The following CHD9 variants were observed in gnomAD, a reference collection of about 807,000 sequenced individuals.
The protein encoded by CHD9 is chromodomain helicase DNA binding protein 9, also known as ATP-dependent chromatin remodeler CHD9.
Under a neutral mutation model 316.1 loss-of-function variants are expected in CHD9, and 77 were observed. The observed-to-expected ratio is 0.24, with a 90% CI of 0.20 to 0.29. The LOEUF is 0.29. Ranked by LOEUF, CHD9 falls within the 10% of genes least tolerant of loss-of-function variation. The probability of loss-of-function intolerance (pLI) is 1.00; values close to 1 mark genes in which losing one functional copy is unlikely to be tolerated. For synonymous variants in CHD9, 1,129 were observed against 1,158.3 expected (o/e 0.97, Z 0.51); for missense variants, 2,763 against 3,438.1 (o/e 0.80, Z 4.91).
In CHD9 at chr16:53,304,092, C is replaced by G. The variant is rs773426910; in HGVS notation, c.6086C>G (p.Thr2029Ser). 1.9e-6 allele frequency: 3 copies of G among 1,613,952 alleles called. No homozygotes were observed. Among genetic ancestry groups the G allele is most frequent in the Non-Finnish European group, 2.5e-6 (3 of 1,179,882 alleles). The change falls in exon 31 of 39, where the codon ACC becomes AGC. Residue 2029 changes from threonine to serine, a missense_variant. Physicochemically the swap from Thr to Ser is moderately conservative, Grantham distance 58 (BLOSUM62 1). Around this residue, in one of 15 missense-constraint regions of CHD9, gnomAD observed 663 missense variants for 751.2 expected, o/e 0.88. Transcript: ENST00000447540. ...YQVALSASPL[T>S]SLPRLLDAKG... ...GTAGCACTTTCTGCTTCTCCTCTTA[C>G]CTCTCTACCTAGGCTCCTAGATGCT...
At chr16:53,264,036 GA>G (rs938792395) in intron 20 of CHD9, among the ~76,000 whole-genome samples, 22 of 146,352 alleles carry the variant, frequency 1.5e-4, no homozygotes, top group South Asian at 4.3e-4. Context: ...CTTCACAGTA[GA>G]AAAAAAAAAG....
chr16:53,108,755 A>G (rs1741146303), intron 1 of CHD9, among the ~76,000 whole-genome samples: 1 of 151,166 alleles, frequency 6.6e-6, no homozygotes, highest in Non-Finnish European at 1.5e-5. Flanking sequence ...GGTGCCTGTA[A>G]TCCCAGCTAC....
At position 53,152,633 on chromosome 16, in the gene CHD9, G is replaced by A. The variant is rs148053158; in HGVS notation, c.-164-3293G>A. ...ATTGGAGGGTTGTGAGCAGAGGAGT[G>A]TCCTGAATTAACTTGCATTTTAATG... On this transcript the variant is annotated intron_variant, in intron 1 of 38. Transcript: ENST00000447540. Among the ~76,000 whole-genome samples the A allele has an allele frequency of 2.5e-4, 38 of 152,302 alleles. 2 individuals are homozygous for A. The highest frequency in any genetic ancestry group is 9.1e-4 in the African/African-American group (38 of 41,562).
intron 1 of CHD9, among the ~76,000 whole-genome samples, chr16:53,071,953 T>C (rs1387644683): frequency 6.6e-6 from 1 of 152,200 alleles, no homozygotes; most frequent in Non-Finnish European, 1.5e-5. Flanking sequence ...GAAACTGTGT[T>C]CTTTTTCAGG....
At chr16:53,235,999 T>C (rs1169368719) in intron 11 of CHD9, among the ~76,000 whole-genome samples, 3 of 152,172 alleles carry the variant, frequency 2.0e-5, no homozygotes, top group Non-Finnish European at 4.4e-5. Context: ...TTTTTACTTT[T>C]CACGTGAGTC....
chr16:53,301,794 C>T, intron 30 of CHD9, among the ~76,000 whole-genome samples: 1 of 134,544 alleles, frequency 7.4e-6, no homozygotes, highest in East Asian at 2.1e-4. Context: ...GAGATGGAGT[C>T]TCGCTCTGTC....
chr16:53,245,932 T>C lies in CHD9; in HGVS notation c.3454+82T>C, dbSNP rs2049544082. On this transcript the variant is annotated intron_variant, in intron 15 of 38. Coordinates refer to ENST00000447540, the MANE Select transcript of CHD9 (RefSeq NM_001308319.2). This position sits in a 1 kb window ranked among gnomAD's most constrained non-coding sequence, Gnocchi z 4.1. ...AAATAAACAGAACACACTACAGCTG[T>C]AGTGGCTGTTATGACTCTCCACTGT... The C allele has an allele frequency of 2.1e-6, 2 of 947,268 alleles. No individual in the cohort carries two copies. 58.7% of individuals were successfully genotyped at this position (947,268 alleles called of 1,614,324 possible). A position where few individuals can be genotyped will look rare whatever the true frequency, so the allele number is the denominator to read the frequency against.
intron 1 of CHD9, among the ~76,000 whole-genome samples, chr16:53,141,136 A>G (rs1281881309): frequency 1.3e-5 from 2 of 152,226 alleles, no homozygotes; most frequent in Admixed American, 6.5e-5. Context: ...CCCAATTTGA[A>G]AACAGAGTGT....
intron 1 of CHD9, among the ~76,000 whole-genome samples, chr16:53,059,176 G>A (rs2032549572): frequency 6.6e-6 from 1 of 152,192 alleles, no homozygotes; most frequent in Non-Finnish European, 1.5e-5. Context: ...TCAGGACGTG[G>A]GCTGGAGGTT....
intron 2 of CHD9, among the ~76,000 whole-genome samples, chr16:53,193,682 A>G (rs1370591896): frequency 6.6e-6 from 1 of 152,162 alleles, no homozygotes; most frequent in East Asian, 1.9e-4. Flanking sequence ...TGTATAAGGA[A>G]CATTAATCTT....
chr16:53,291,686 C>A, intron 27 of CHD9, 39 bp from the exon 28 acceptor site: 1 of 1,402,122 alleles, frequency 7.1e-7, no homozygotes, highest in Non-Finnish European at 9.7e-7. Context: ...ATCTCTTGAC[C>A]CAATTACCCT....
intron 1 of CHD9, among the ~76,000 whole-genome samples, chr16:53,068,143 A>G (rs1047820107): frequency 1.3e-5 from 2 of 152,266 alleles, no homozygotes; most frequent in Admixed American, 1.3e-4. Flanking sequence ...GACCTTGGAT[A>G]TGTTGCTTAA....
At chr16:53,265,273 G>T (rs1246246386) in intron 20 of CHD9, among the ~76,000 whole-genome samples, 1 of 151,976 alleles carries the variant, frequency 6.6e-6, no homozygotes. Flanking sequence ...GTGATTGTGC[G>T]TGCCTGTAAT....
At chr16:53,256,886 G>A (rs985395145) in intron 19 of CHD9, among the ~76,000 whole-genome samples, 1 of 152,028 alleles carries the variant, frequency 6.6e-6, no homozygotes, top group Admixed American at 6.6e-5. Context: ...AGGAAGTACA[G>A]GTGCTGTACC....
At chr16:53,221,931 T>C (rs898796685) in intron 3 of CHD9, among the ~76,000 whole-genome samples, 2 of 152,012 alleles carry the variant, frequency 1.3e-5, no homozygotes, top group Non-Finnish European at 2.9e-5. Context: ...ATTGGAAATC[T>C]GCAAGATAAT....
In CHD9 at chr16:53,208,489, G is replaced by A. The variant is rs1015061821; in HGVS notation, c.1453-993G>A. ...ATCTTGAGCTTGTTGCTGTTTCCTC[G>A]AGTCTTGGTTATTTGTTATAGCCTG... On this transcript the variant is annotated intron_variant, in intron 2 of 38. Coordinates refer to ENST00000447540, the MANE Select transcript of CHD9 (RefSeq NM_001308319.2). 3.5e-5 allele frequency: 40 copies of A among 1,150,658 alleles called. No individual in the cohort carries two copies. The South Asian group carries it at 5.4e-4, about 15-fold the overall frequency. The allele number at this position is 1,150,658 out of a possible 1,614,324, so 71.3% of individuals were successfully genotyped here.
At chr16:53,165,152 G>A (rs1284216102) in intron 2 of CHD9, among the ~76,000 whole-genome samples, 1 of 152,174 alleles carries the variant, frequency 6.6e-6, no homozygotes, top group Non-Finnish European at 1.5e-5. Context: ...CTGAAAGCAG[G>A]GAGATGGAAT....
chr16:53,283,713 A>G (rs978627593), intron 24 of CHD9, among the ~76,000 whole-genome samples: 3 of 152,124 alleles, frequency 2.0e-5, no homozygotes, highest in African/African-American at 2.4e-5. Flanking sequence ...AACTTTTTCC[A>G]TATTACAAGA....
At chr16:53,319,868 A>G in intron 37 of CHD9, 1 of 1,235,906 alleles carries the variant, frequency 8.1e-7, no homozygotes, top group South Asian at 1.4e-5. Context: ...ATCCCCATAA[A>G]CCCCCAAGAG....
Sources: gnomAD v4.1 joint callset for allele counts (sites outside exome capture counted in the v4.1 genomes callset) on GRCh38, gnomAD v4.1.1 for gene constraint, gnomAD v4.1.1 regional missense constraint, Gnocchi (gnomAD v3.1) non-coding constraint, MANE v1.5 for transcripts, NCBI Gene and HGNC (gene_info 2026-07-23, HGNC 2026-07-21) for gene names.